Variants in LIPI observed in about 807,000 individuals in gnomAD.
LIPI encodes lipase member I.
In LIPI, 59 loss-of-function variants were observed where a neutral mutation model predicts 50.6. The observed-to-expected ratio is 1.16, with a 90% CI of 0.94 to 1.45. The LOEUF (loss-of-function observed/expected upper bound fraction) is 1.45, where lower values mean the gene tolerates loss of function less well. Among genes scored for constraint, LIPI ranks in the 40% most tolerant of loss-of-function variants. LIPI has a pLI of 0.00. For missense variants in LIPI, 586 were observed against 536.3 expected (o/e 1.09, Z -0.92); for synonymous variants, 203 against 178.2 (o/e 1.14, Z -1.11).
At chr21:14,171,209 T>C (rs1022935724) in intron 4 of LIPI, among the ~76,000 whole-genome samples, 7 of 150,740 alleles carry the variant, frequency 4.6e-5, no homozygotes, top group African/African-American at 1.7e-4. Flanking sequence ...CTCAATGAAA[T>C]AAAAGAGGAT....
chr21:14,135,298 TCAAGTTAA>T (rs2017450272), intron 9 of LIPI, among the ~76,000 whole-genome samples: 1 of 151,972 alleles, frequency 6.6e-6, no homozygotes, highest in Non-Finnish European at 1.5e-5. Context: ...TGCAAAGACA[TCAAGTTAA>T]CAAGTATCTA....
intron 1 of LIPI, among the ~76,000 whole-genome samples, chr21:14,199,246 A>G (rs1189207060): frequency 6.6e-6 from 1 of 152,110 alleles, no homozygotes; most frequent in African/African-American, 2.4e-5. Flanking sequence ...AACCAAAATC[A>G]GAGCTGAACT....
intron 8 of LIPI, among the ~76,000 whole-genome samples, chr21:14,152,069 T>G (rs940901062): frequency 3.5e-4 from 50 of 141,880 alleles, no homozygotes; most frequent in Non-Finnish European, 6.0e-4. Context: ...CTCTTTAACT[T>G]ATTTTATTTA....
rs989171742 is a variant in LIPI, at chr21:14,199,113, T to C, written c.47-9694A>G. 7.9e-5 allele frequency among the ~76,000 whole-genome samples: 12 copies of C among 152,180 alleles called. No individual in the cohort carries two copies. The East Asian group carries it at 9.7e-4, about 12-fold the overall frequency. Reference sequence around the variant, plus strand: ...AGCTAAGGCAGTGATAAGAGAGAAATTGATAGCACTAAATGACCACATCAA... The same window carrying C: ...AGCTAAGGCAGTGATAAGAGAGAAACTGATAGCACTAAATGACCACATCAA... On this transcript the variant is annotated intron_variant, in intron 1 of 9. Transcript: ENST00000681601.
intron 9 of LIPI, among the ~76,000 whole-genome samples, chr21:14,133,491 A>G (rs1284420794): frequency 6.6e-6 from 1 of 152,216 alleles, no homozygotes; most frequent in Non-Finnish European, 1.5e-5. Flanking sequence ...AATAAAGACA[A>G]TAAATGACAG....
At chr21:14,128,188 T>C (rs982965870) in intron 9 of LIPI, among the ~76,000 whole-genome samples, 1 of 152,092 alleles carries the variant, frequency 6.6e-6, no homozygotes, top group Non-Finnish European at 1.5e-5. Context: ...CTGTAACATA[T>C]GTGTTTATGA....
intron 9 of LIPI, among the ~76,000 whole-genome samples, chr21:14,131,111 CG>C (rs2017277113): frequency 6.6e-6 from 1 of 152,004 alleles, no homozygotes; most frequent in African/African-American, 2.4e-5. Context: ...CCACCACACC[CG>C]GCTAATTTTT....
In LIPI at chr21:14,108,891, T is replaced by C; in HGVS notation, c.*102A>G. 4 of 1,411,548 alleles carry C rather than the reference T, an allele frequency of 2.8e-6. No individual in the cohort carries two copies. Among genetic ancestry groups the C allele is most frequent in the South Asian group, 1.2e-5 (1 of 80,296 alleles). The allele number at this position is 1,411,548 out of a possible 1,614,324, so 87.4% of individuals were successfully genotyped here. The stretch of plus-strand genomic sequence containing the variant: ...AATTTTTTCCAAGAAATAGAAATAC[T>C]TGAATCTCAAATTGAACAGTGCATT... On this transcript the variant is annotated 3_prime_UTR_variant, in exon 10 of 10. Coordinates refer to ENST00000681601, the MANE Select transcript of LIPI (RefSeq NM_001302998.2).
chr21:14,186,167 CTGGCT>C, intron 2 of LIPI, 98 bp from the exon 3 acceptor site: 1 of 769,834 alleles, frequency 1.3e-6, no homozygotes, highest in Non-Finnish European at 2.3e-6. Context: ...CATTATTTTT[CTGGCT>C]TGATTCATTT....
intron 1 of LIPI, among the ~76,000 whole-genome samples, chr21:14,197,663 A>T (rs1164570332): frequency 6.6e-6 from 1 of 152,162 alleles, no homozygotes; most frequent in Admixed American, 6.6e-5. Context: ...CCTGAAAGAG[A>T]TGAGGAGAAT....
At chr21:14,145,954 C>CA (rs2123066695) in intron 8 of LIPI, among the ~76,000 whole-genome samples, 1 of 152,226 alleles carries the variant, frequency 6.6e-6, no homozygotes, top group African/African-American at 2.4e-5. Flanking sequence ...GCAGGGTTAC[C>CA]ACCTTCTTTT....
intron 1 of LIPI, among the ~76,000 whole-genome samples, chr21:14,209,202 A>T (rs2020302436): frequency 6.6e-6 from 1 of 152,186 alleles, no homozygotes; most frequent in East Asian, 1.9e-4. Context: ...TGTACTGTAT[A>T]TCTGTATAAA....
chr21:14,141,812 T>C (rs2017719901), intron 9 of LIPI, among the ~76,000 whole-genome samples: 1 of 152,178 alleles, frequency 6.6e-6, no homozygotes, highest in Non-Finnish European at 1.5e-5. Flanking sequence ...ATGCAAATAT[T>C]CTAGCTAAAT....
intron 9 of LIPI, among the ~76,000 whole-genome samples, chr21:14,122,971 A>G (rs1289601340): frequency 3.3e-5 from 5 of 152,306 alleles, no homozygotes; most frequent in African/African-American, 1.2e-4. Flanking sequence ...TCAGCCAAGA[A>G]CCTATTTACT....
chr21:14,187,248 T>C (rs184797967), intron 2 of LIPI, among the ~76,000 whole-genome samples: 1 of 152,174 alleles, frequency 6.6e-6, no homozygotes, highest in Non-Finnish European at 1.5e-5. Flanking sequence ...GAGAGTGTAC[T>C]TCCACCACAC....
At chr21:14,184,374 C>A (rs577868183) in intron 3 of LIPI, among the ~76,000 whole-genome samples, 1 of 151,888 alleles carries the variant, frequency 6.6e-6, no homozygotes, top group South Asian at 2.1e-4. Flanking sequence ...ATACCTAATG[C>A]TAAATGATGA....
intron 7 of LIPI, among the ~76,000 whole-genome samples, chr21:14,160,414 A>G (rs1234367522): frequency 6.6e-6 from 1 of 151,360 alleles, no homozygotes; most frequent in Non-Finnish European, 1.5e-5. Flanking sequence ...ATATATTTTA[A>G]CCAATTGTTG....
At chr21:14,113,690 A>G (rs2016504680) in intron 9 of LIPI, among the ~76,000 whole-genome samples, 1 of 152,174 alleles carries the variant, frequency 6.6e-6, no homozygotes, top group Admixed American at 6.5e-5. Flanking sequence ...AAAACTATAA[A>G]CCCACTGTAT....
At chr21:14,207,374 C>T (rs888068602) in intron 1 of LIPI, among the ~76,000 whole-genome samples, 1 of 152,130 alleles carries the variant, frequency 6.6e-6, no homozygotes, top group African/African-American at 2.4e-5. Context: ...GATATGATCA[C>T]TATGCATTAT....
Sources: gnomAD v4.1 joint callset for allele counts (sites outside exome capture counted in the v4.1 genomes callset) on GRCh38, gnomAD v4.1.1 for gene constraint, MANE v1.5 for transcripts, NCBI Gene and HGNC (gene_info 2026-07-23, HGNC 2026-07-21) for gene names.